The following UBAP1 variants were observed in gnomAD, a reference collection of about 807,000 sequenced individuals.
UBAP1 encodes the protein ubiquitin-associated protein 1.
UBAP1 carries 5 observed loss-of-function variants against 39.0 expected under a neutral mutation model. The observed-to-expected ratio is 0.13, with a 90% CI of 0.07 to 0.27. The LOEUF is 0.27. Ranked by LOEUF, UBAP1 falls within the 10% of genes least tolerant of loss-of-function variation. The pLI, the probability that UBAP1 is intolerant of heterozygous loss-of-function variation, is 1.00. For synonymous variants in UBAP1, 211 were observed against 225.1 expected (o/e 0.94, Z 0.56); for missense variants, 490 against 608.1 (o/e 0.81, Z 2.04).
At chr9:34,249,325 C>A (rs1360524544) in intron 4 of UBAP1, among the ~76,000 whole-genome samples, 1 of 152,122 alleles carries the variant, frequency 6.6e-6, no homozygotes, top group Non-Finnish European at 1.5e-5. Flanking sequence ...AGAGTTAGCT[C>A]CAAAGTGGGA....
chr9:34,188,423 CTTTTTTTT>C (rs34942688), intron 1 of UBAP1, among the ~76,000 whole-genome samples: 2 of 117,208 alleles, frequency 1.7e-5, no homozygotes, highest in Admixed American at 1.8e-4. Flanking sequence ...TAGTCTTCAG[CTTTTTTTT>C]TTTTTTTTTT....
chr9:34,187,883 C>G (rs1830492914), intron 1 of UBAP1, among the ~76,000 whole-genome samples: 1 of 150,068 alleles, frequency 6.7e-6, no homozygotes, highest in East Asian at 1.9e-4. Context: ...CTCCTATCTA[C>G]CATTAAACCC....
At position 34,242,090 on chromosome 9, in the gene UBAP1, T is replaced by C. The variant is rs1833989466; in HGVS notation, c.1065T>C (p.Pro355=). 1 of 1,597,172 alleles carries C rather than the reference T, an allele frequency of 6.3e-7. No individual in the cohort carries two copies. The highest frequency in any genetic ancestry group is 1.3e-5 in the African/African-American group (1 of 74,718). ...CTGTGTGCACAGAGGAATCATCACCTCCAAATACTGGTCCCACGGTAAGTC... is the reference window on the plus strand; with the variant it reads ...CTGTGTGCACAGAGGAATCATCACCCCCAAATACTGGTCCCACGGTAAGTC... ...VLSVCTEESS[P]PNTGPTVTPP... The change falls in exon 4 of 7, where the codon CCT becomes CCC. Residue 355 remains proline, a synonymous_variant. Coordinates refer to ENST00000297661, the MANE Select transcript of UBAP1 (RefSeq NM_016525.5).
intron 1 of UBAP1, among the ~76,000 whole-genome samples, chr9:34,200,068 G>A (rs894448841): frequency 6.6e-6 from 1 of 151,474 alleles, no homozygotes; most frequent in African/African-American, 2.4e-5. Flanking sequence ...CCTTCCCCCC[G>A]CTCCCAGTAA....
At chr9:34,198,394 CTGCCTGGTTGGGCAGGCAGGT>C (rs570011093) in intron 1 of UBAP1, among the ~76,000 whole-genome samples, 38 of 152,264 alleles carry the variant, frequency 2.5e-4, no homozygotes, top group African/African-American at 5.8e-4. Context: ...TGTGGCCGGG[CTGCCTGGTTGGGCAGGCAGGT>C]TGCCTGGTTG....
At chr9:34,251,308 C>T (rs1563926286) in intron 6 of UBAP1, 84 bp from the exon 7 acceptor site, 1 of 1,441,258 alleles carries the variant, frequency 6.9e-7, no homozygotes, top group Non-Finnish European at 9.6e-7. Flanking sequence ...CTCCCCCAGT[C>T]CCCGTCCCAC....
chr9:34,184,199 T>C (rs1158677252), intron 1 of UBAP1, among the ~76,000 whole-genome samples: 1 of 152,186 alleles, frequency 6.6e-6, no homozygotes, highest in Non-Finnish European at 1.5e-5. Flanking sequence ...AATATTTTCC[T>C]ATGAATCGAG....
intron 1 of UBAP1, among the ~76,000 whole-genome samples, chr9:34,190,470 A>G (rs1448517797): frequency 7.1e-6 from 1 of 140,264 alleles, no homozygotes; most frequent in East Asian, 2.2e-4. Context: ...TTTTATTTTT[A>G]GTGGAGATGG....
At chr9:34,200,913 T>C (rs1203882907) in intron 1 of UBAP1, among the ~76,000 whole-genome samples, 2 of 152,152 alleles carry the variant, frequency 1.3e-5, no homozygotes, top group African/African-American at 4.8e-5. Flanking sequence ...GCTTAAGTGA[T>C]TTTATTTTTT....
intron 3 of UBAP1, among the ~76,000 whole-genome samples, chr9:34,236,658 G>C (rs1833714801): frequency 6.6e-6 from 1 of 151,866 alleles, no homozygotes; most frequent in Non-Finnish European, 1.5e-5. Flanking sequence ...AGTTAGATTT[G>C]CTGTGTCTCA....
At chr9:34,182,655 CTTTCTTTCTTTCTT>C (rs1830128491) in intron 1 of UBAP1, among the ~76,000 whole-genome samples, 1 of 60,602 alleles carries the variant, frequency 1.7e-5, no homozygotes. Flanking sequence ...TTCTTTCTTT[CTTTCTTTCTTTCTT>C]TCTTTCTTTC....
At chr9:34,192,736 G>A (rs909017632) in intron 1 of UBAP1, among the ~76,000 whole-genome samples, 12 of 151,862 alleles carry the variant, frequency 7.9e-5, no homozygotes, top group Non-Finnish European at 1.5e-5. Flanking sequence ...CACCAAGCCT[G>A]GCTAATGTAT....
chr9:34,252,260 T>G lies in UBAP1; in HGVS notation c.*728T>G, dbSNP rs181071558. The stretch of plus-strand genomic sequence containing the variant: ...GCCCCTTCCCAGCACATTGAATGGG[T>G]AAGCAGACAGGCCATGATTTAGTTG... On this transcript the variant is annotated 3_prime_UTR_variant, in exon 7 of 7. Coordinates refer to ENST00000297661, the MANE Select transcript of UBAP1 (RefSeq NM_016525.5). 1 of 152,688 alleles carries G rather than the reference T, an allele frequency of 6.5e-6. No individual in the cohort carries two copies. The highest frequency in any genetic ancestry group is 1.9e-4 in the East Asian group (1 of 5,164). The allele number at this position is 152,688 out of a possible 1,614,324, so 9.5% of individuals were successfully genotyped here.
rs553844981 is a variant in UBAP1 at position 34,180,478 on chromosome 9, A to G, written c.-8+1238A>G. ...AGCCTAGATCGCTGCATTGCACTCC[A>G]GCCTGGGCAACAGAGCGAGACTCCG... On this transcript the variant is annotated intron_variant, in intron 1 of 6. Coordinates refer to ENST00000297661, the MANE Select transcript of UBAP1 (RefSeq NM_016525.5). Among the ~76,000 whole-genome samples, 10 of 151,946 alleles carry G rather than the reference A, an allele frequency of 6.6e-5. 1 individual carries two copies. The highest frequency in any genetic ancestry group is 2.4e-4 in the African/African-American group (10 of 41,412).
intron 1 of UBAP1, among the ~76,000 whole-genome samples, chr9:34,206,701 G>A (rs997255792): frequency 3.9e-5 from 6 of 152,132 alleles, no homozygotes; most frequent in Non-Finnish European, 7.4e-5. Context: ...TGTGTAGAGT[G>A]AAAATAGTAT....
In UBAP1 at chr9:34,217,783, CTTTTTTTT is replaced by C. The variant is rs750494361; in HGVS notation, c.-7-3102_-7-3095del. 3.6e-4 allele frequency among the ~76,000 whole-genome samples: 15 copies of C among 41,222 alleles called. 1 individual carries two copies. Among genetic ancestry groups the C allele is most frequent in the South Asian group, 1.4e-3 (1 of 734 alleles). The allele number at this position is 41,222 out of a possible 152,430, so 27.0% of individuals were successfully genotyped here. A position where few individuals can be genotyped will look rare whatever the true frequency, so the allele number is the denominator to read the frequency against. On this transcript the variant is annotated intron_variant, in intron 1 of 6. Coordinates refer to ENST00000297661, the MANE Select transcript of UBAP1 (RefSeq NM_016525.5). Reference sequence around the variant, plus strand: ...TTGTCATAAATGACAGGATTTCGTTCTTTTTTTTTTTTTTTTTTTTTTTTTTTTTTGAG... The same window carrying C: ...TTGTCATAAATGACAGGATTTCGTTCTTTTTTTTTTTTTTTTTTTTTTGAG...
At chr9:34,195,198 C>T (rs1037537540) in intron 1 of UBAP1, among the ~76,000 whole-genome samples, 3 of 151,174 alleles carry the variant, frequency 2.0e-5, no homozygotes, top group African/African-American at 7.3e-5. Context: ...TTGAAGTCCC[C>T]TTTAGTTTTT....
chr9:34,232,110 T>C (rs1833454219), intron 2 of UBAP1, among the ~76,000 whole-genome samples: 1 of 152,118 alleles, frequency 6.6e-6, no homozygotes, highest in Admixed American at 6.5e-5. Context: ...TTCTCCTGCT[T>C]CAGCCTCCCA....
intron 1 of UBAP1, among the ~76,000 whole-genome samples, chr9:34,213,210 G>T (rs1832112260): frequency 6.6e-6 from 1 of 152,088 alleles, no homozygotes. Flanking sequence ...TCAATGTAAT[G>T]AAAGCCATCT....
Sources: allele counts gnomAD v4.1 joint callset (sites outside exome capture counted in the v4.1 genomes callset), GRCh38; gene constraint gnomAD v4.1.1; transcripts MANE v1.5; gene names NCBI Gene and HGNC (gene_info 2026-07-23, HGNC 2026-07-21).